The following IGFL2 variants were observed in gnomAD, a reference collection of about 807,000 sequenced individuals.
The protein encoded by IGFL2 is IGF like family member 2.
In IGFL2, 7 loss-of-function variants were observed where a neutral mutation model predicts 13.9. That is an observed-to-expected ratio of 0.51 (90% CI 0.29 to 0.95). IGFL2 has a LOEUF of 0.95. Among genes scored for constraint, IGFL2 ranks in the 40% least tolerant of loss-of-function variants. The pLI is 0.08. For synonymous variants in IGFL2, 55 were observed against 55.8 expected (o/e 0.99, Z 0.07); for missense variants, 138 against 147.8 (o/e 0.93, Z 0.34).
At chr19:46,191,880 T>C in the IGFL2 span, among the ~76,000 whole-genome samples, 1 of 152,250 alleles carries the variant, frequency 6.6e-6, no homozygotes, top group African/African-American at 2.4e-5. Flanking sequence ...TCTGATTTTC[T>C]TTTGTAATCT....
upstream of IGFL2, among the ~76,000 whole-genome samples, chr19:46,142,612 CTATT>C (rs2146808088): frequency 6.6e-6 from 1 of 152,270 alleles, no homozygotes; most frequent in South Asian, 2.1e-4. Context: ...ATGAAAGAGA[CTATT>C]TAAATTGGAC....
At chr19:46,137,632 C>T in the IGFL2 span, 3 of 808,054 alleles carry the variant, frequency 3.7e-6, no homozygotes, top group South Asian at 4.3e-5. Context: ...GAGCAGGACC[C>T]TGCGTGACCC....
At chr19:46,104,387 A>G in the IGFL2 span, among the ~76,000 whole-genome samples, 1 of 152,190 alleles carries the variant, frequency 6.6e-6, no homozygotes, top group Non-Finnish European at 1.5e-5. Flanking sequence ...TGAGGACGGT[A>G]AGGGGTATGA....
the IGFL2 span, among the ~76,000 whole-genome samples, chr19:46,180,226 T>G: frequency 1.3e-5 from 2 of 150,584 alleles, no homozygotes; most frequent in Non-Finnish European, 3.0e-5. Flanking sequence ...TTGCGCAGGC[T>G]GGAGTGCAGT....
the IGFL2 span, among the ~76,000 whole-genome samples, chr19:46,107,608 C>G: frequency 3.9e-5 from 6 of 152,186 alleles, no homozygotes; most frequent in Non-Finnish European, 5.9e-5. Context: ...TGGGGTTTCT[C>G]TCACAGTGGA....
chr19:46,149,051 G>T, intron 1 of IGFL2: 1 of 1,597,760 alleles, frequency 6.3e-7, no homozygotes, highest in Non-Finnish European at 8.5e-7. Context: ...AGTAAGGGCA[G>T]CCCAGGCAGT....
chr19:46,204,393 C>G, the IGFL2 span, among the ~76,000 whole-genome samples: 6 of 152,096 alleles, frequency 3.9e-5, no homozygotes, highest in Non-Finnish European at 8.8e-5. Context: ...TGCAGGGGCC[C>G]CTCATGCCAG....
chr19:46,124,271 T>C, the IGFL2 span: 1 of 1,610,742 alleles, frequency 6.2e-7, no homozygotes, highest in Non-Finnish European at 8.5e-7. Flanking sequence ...TCCTTACCTG[T>C]AGTTCCTTTT....
At chr19:46,165,960 ATTCTCCATTG>A (rs1340829213), downstream of IGFL2, among the ~76,000 whole-genome samples, 5 of 152,218 alleles carry the variant, frequency 3.3e-5, no homozygotes, top group African/African-American at 1.2e-4. Context: ...GTGGAAGGAC[ATTCTCCATTG>A]TATCTCGGAC....
chr19:46,205,697 T>A, the IGFL2 span, among the ~76,000 whole-genome samples: 1 of 152,214 alleles, frequency 6.6e-6, no homozygotes, highest in Admixed American at 6.5e-5. Context: ...TACTCGATTT[T>A]CTTGGTTTGA....
the IGFL2 span, among the ~76,000 whole-genome samples, chr19:46,131,481 GTTTGGC>G: frequency 6.6e-6 from 1 of 152,120 alleles, no homozygotes; most frequent in Non-Finnish European, 1.5e-5. Flanking sequence ...TGTAAACATT[GTTTGGC>G]TTTGGAAAGC....
the IGFL2 span, among the ~76,000 whole-genome samples, chr19:46,090,776 C>T: frequency 2.0e-5 from 3 of 152,146 alleles, no homozygotes; most frequent in Non-Finnish European, 2.9e-5. Flanking sequence ...ATTGAGCTGG[C>T]CTTGCAGGGG....
chr19:46,171,032 T>C, the IGFL2 span, among the ~76,000 whole-genome samples: 3 of 152,028 alleles, frequency 2.0e-5, no homozygotes, highest in African/African-American at 7.3e-5. Flanking sequence ...CTTTGAAAAT[T>C]GCTAATAAAA....
At chr19:46,205,395 A>AG in the IGFL2 span, among the ~76,000 whole-genome samples, 1 of 152,202 alleles carries the variant, frequency 6.6e-6, no homozygotes, top group South Asian at 2.1e-4. Flanking sequence ...CATGCACAGT[A>AG]GAAAGCAGAT....
chr19:46,179,838 C>G, the IGFL2 span, among the ~76,000 whole-genome samples: 2 of 152,072 alleles, frequency 1.3e-5, no homozygotes, highest in African/African-American at 2.4e-5. Flanking sequence ...ATTGCTTGAT[C>G]CCGGGAGGTG....
the IGFL2 span, among the ~76,000 whole-genome samples, chr19:46,110,216 C>T: frequency 1.3e-5 from 2 of 152,230 alleles, no homozygotes; most frequent in Non-Finnish European, 2.9e-5. Context: ...TCTGTACATT[C>T]ACTTTTCATG....
At chr19:46,181,063 A>T in the IGFL2 span, among the ~76,000 whole-genome samples, 1 of 152,196 alleles carries the variant, frequency 6.6e-6, no homozygotes, top group African/African-American at 2.4e-5. Context: ...AATCAAGTTG[A>T]TACTTAATAT....
At chr19:46,136,069 G>C in the IGFL2 span, among the ~76,000 whole-genome samples, 1 of 152,118 alleles carries the variant, frequency 6.6e-6, no homozygotes, top group South Asian at 2.1e-4. Flanking sequence ...GTGTCTTGGG[G>C]ATGGTCCTCA....
chr19:46,110,803 G>T, the IGFL2 span, among the ~76,000 whole-genome samples: 1,296 of 152,220 alleles, frequency 8.5e-3, 17 homozygotes, highest in African/African-American at 0.029. Flanking sequence ...TTTCCAAGAT[G>T]ATACGATACA....
Sources: gnomAD v4.1 joint callset for allele counts (sites outside exome capture counted in the v4.1 genomes callset) on GRCh38, gnomAD v4.1.1 for gene constraint, MANE v1.5 for transcripts, NCBI Gene and HGNC (gene_info 2026-07-23, HGNC 2026-07-21) for gene names.